The following TGFA variants were observed in gnomAD, a reference collection of about 807,000 sequenced individuals.
TGFA encodes the protein transforming growth factor alpha.
TGFA carries 12 observed loss-of-function variants against 21.7 expected under a neutral mutation model. The ratio of observed to expected loss-of-function variants is 0.55; its 90% CI spans 0.35 to 0.90. The LOEUF (loss-of-function observed/expected upper bound fraction) is 0.90, where lower values mean the gene tolerates loss of function less well. TGFA is among the 40% of genes least tolerant of loss of function. TGFA has a pLI of 0.01. For missense variants in TGFA, 178 were observed against 210.8 expected (o/e 0.84, Z 0.96); for synonymous variants, 79 against 88.1 (o/e 0.90, Z 0.58).
intron 2 of TGFA, among the ~76,000 whole-genome samples, chr2:70,474,609 A>C (rs782263577): frequency 9.2e-5 from 14 of 152,216 alleles, no homozygotes; most frequent in Non-Finnish European, 1.8e-4. Flanking sequence ...CTACATGTCC[A>C]GGGATGATGG....
intron 3 of TGFA, 101 bp from the exon 4 acceptor site, chr2:70,456,589 A>G: frequency 1.4e-6 from 2 of 1,412,982 alleles, no homozygotes; most frequent in South Asian, 1.4e-5. Flanking sequence ...GCCTGCAGGT[A>G]AAGCCCAAAG....
chr2:70,534,931 A>T (rs950312936), intron 1 of TGFA, among the ~76,000 whole-genome samples: 2 of 152,234 alleles, frequency 1.3e-5, no homozygotes, highest in South Asian at 2.1e-4. Context: ...GAATGGAAGC[A>T]GCATGGCTAG....
chr2:70,553,794 T>G lies in TGFA; in HGVS notation c.-27A>C. 7.9e-7 allele frequency: 1 copy of G among 1,265,696 alleles called. No homozygotes were observed. The highest frequency in any genetic ancestry group is 1.0e-6 in the Non-Finnish European group (1 of 998,372). 78.4% of individuals were successfully genotyped at this position (1,265,696 alleles called of 1,614,324 possible). A position where few individuals can be genotyped will look rare whatever the true frequency, so the allele number is the denominator to read the frequency against. ...TTACGGGCGGGCGGGCAGCAGGCTC[T>G]CCAGCCTCCTGCCCTACCTGCGGTG... On this transcript the variant is annotated 5_prime_UTR_variant, in exon 1 of 6. Coordinates refer to ENST00000295400, the MANE Select transcript of TGFA (RefSeq NM_003236.4).
intron 2 of TGFA, among the ~76,000 whole-genome samples, chr2:70,511,617 C>T (rs1553500930): frequency 6.6e-6 from 1 of 152,158 alleles, no homozygotes; most frequent in African/African-American, 2.4e-5. Context: ...CTTTCTGGTG[C>T]AGTAATGGAA....
At chr2:70,452,376 G>A (rs1432561199) in intron 5 of TGFA, among the ~76,000 whole-genome samples, 1 of 152,176 alleles carries the variant, frequency 6.6e-6, no homozygotes, top group Non-Finnish European at 1.5e-5. Flanking sequence ...TGAGGTGCAA[G>A]CTGGGCCCCA....
chr2:70,525,657 G>C (rs1242212191), intron 1 of TGFA, among the ~76,000 whole-genome samples: 2 of 152,134 alleles, frequency 1.3e-5, no homozygotes, highest in Non-Finnish European at 2.9e-5. Flanking sequence ...AGAAAGGCCT[G>C]GGCAACAAGT....
At chr2:70,479,060 CTT>C (rs1475876487) in intron 2 of TGFA, among the ~76,000 whole-genome samples, 51 of 152,172 alleles carry the variant, frequency 3.4e-4, no homozygotes, top group African/African-American at 1.2e-3. Context: ...ATATATAAAA[CTT>C]ATATTTCAGT....
At chr2:70,512,968 T>C (rs1156538411) in intron 2 of TGFA, among the ~76,000 whole-genome samples, 1 of 152,138 alleles carries the variant, frequency 6.6e-6, no homozygotes. Context: ...GCCGGGAAAC[T>C]AGGGATAGAG....
chr2:70,503,661 C>T (rs1295634483), intron 2 of TGFA, among the ~76,000 whole-genome samples: 1 of 151,840 alleles, frequency 6.6e-6, no homozygotes, highest in African/African-American at 2.4e-5. Context: ...TCATCTGGCT[C>T]CTGACTTTAA....
At chr2:70,487,269 C>T (rs567217047) in intron 2 of TGFA, among the ~76,000 whole-genome samples, 74 of 152,336 alleles carry the variant, frequency 4.9e-4, no homozygotes, top group African/African-American at 1.7e-3. Flanking sequence ...CGATACTACT[C>T]ATGAACACTT....
At chr2:70,502,530 AG>A (rs1671768375) in intron 2 of TGFA, among the ~76,000 whole-genome samples, 1 of 152,106 alleles carries the variant, frequency 6.6e-6, no homozygotes, top group Non-Finnish European at 1.5e-5. Context: ...CATGTTGGCC[AG>A]GCTGGTCTTG....
chr2:70,525,075 G>T (rs1237775658), intron 1 of TGFA, among the ~76,000 whole-genome samples: 2 of 152,198 alleles, frequency 1.3e-5, no homozygotes, highest in Non-Finnish European at 1.5e-5. Flanking sequence ...AGCCATGTGT[G>T]GGCATCATTC....
intron 1 of TGFA, among the ~76,000 whole-genome samples, chr2:70,548,279 C>A (rs782755170): frequency 1.3e-5 from 2 of 152,156 alleles, no homozygotes; most frequent in Non-Finnish European, 2.9e-5. Context: ...GGCCTGTGCT[C>A]AGAGGTGCCA....
intron 1 of TGFA, among the ~76,000 whole-genome samples, chr2:70,520,675 A>G (rs1672420897): frequency 6.6e-6 from 1 of 152,046 alleles, no homozygotes; most frequent in African/African-American, 2.4e-5. Context: ...AGAAAAATGG[A>G]ATCCTCCCTA....
chr2:70,514,008 G>C (rs918952150), intron 2 of TGFA, among the ~76,000 whole-genome samples: 11 of 152,170 alleles, frequency 7.2e-5, no homozygotes, highest in African/African-American at 2.7e-4. Context: ...ACATGCTGAG[G>C]AAAGAATCCA....
At chr2:70,504,997 CCTT>C (rs1559124494) in intron 2 of TGFA, among the ~76,000 whole-genome samples, 1 of 152,122 alleles carries the variant, frequency 6.6e-6, no homozygotes. Context: ...AATAGTAGTA[CCTT>C]CTTCTTAGAG....
At chr2:70,521,050 C>T (rs1427956858) in intron 1 of TGFA, among the ~76,000 whole-genome samples, 2 of 152,076 alleles carry the variant, frequency 1.3e-5, no homozygotes, top group Non-Finnish European at 2.9e-5. Flanking sequence ...ATCATCTCTC[C>T]CTGTGCTATC....
rs925096142 is a variant in TGFA, at chr2:70,523,053, T to A, written c.41-8141A>T. On this transcript the variant is annotated intron_variant, in intron 1 of 5. Coordinates refer to ENST00000295400, the MANE Select transcript of TGFA (RefSeq NM_003236.4). ...ATATTAAATATTCCCACTACAATAT[T>A]GAAAAATCCATGAGGAATGAAGGAA... Among the ~76,000 whole-genome samples, 39 of 152,162 alleles carry A rather than the reference T, an allele frequency of 2.6e-4. 1 individual carries two copies. The highest frequency in any genetic ancestry group is 2.1e-3 in the Admixed American group (32 of 15,278).
intron 1 of TGFA, among the ~76,000 whole-genome samples, chr2:70,532,141 A>G (rs1257633796): frequency 1.3e-5 from 2 of 152,226 alleles, no homozygotes; most frequent in Admixed American, 6.5e-5. Context: ...AGATTTTCAG[A>G]AAATTTCTGC....
Sources: allele counts gnomAD v4.1 joint callset (sites outside exome capture counted in the v4.1 genomes callset), GRCh38; gene constraint gnomAD v4.1.1; transcripts MANE v1.5; gene names NCBI Gene and HGNC (gene_info 2026-07-23, HGNC 2026-07-21).